Variants in NLRP13 observed in about 807,000 individuals in gnomAD.
NLRP13 encodes the protein NLR family pyrin domain containing 13, also known as NACHT, LRR and PYD domains-containing protein 13.
NLRP13 carries 82 observed loss-of-function variants against 94.4 expected under a neutral mutation model. The observed-to-expected ratio is 0.87, with a 90% confidence interval of 0.73 to 1.04. The LOEUF is 1.04. Ranked by LOEUF, NLRP13 falls within the 50% of genes least tolerant of loss-of-function variation. The pLI, the probability that NLRP13 is intolerant of heterozygous loss-of-function variation, is 0.00. For missense variants in NLRP13, 1,426 were observed against 1,230.8 expected, an observed-to-expected ratio of 1.16 and a Z score of -2.37; for synonymous variants, 553 against 464.7, an observed-to-expected ratio of 1.19 and a Z score of -2.45.
At chr19:55,918,380 T>C (rs961997506) in intron 4 of NLRP13, among the ~76,000 whole-genome samples, 7 of 141,006 alleles carry the variant, frequency 5.0e-5, no homozygotes, top group African/African-American at 1.9e-4. Flanking sequence ...AGAAGAAAAA[T>C]AACAAATCAG....
rs11310557 is a variant in NLRP13, at chr19:55,906,966, A to AT, written c.2447+825dup. The stretch of plus-strand genomic sequence containing the variant: ...TTGAGTTCCTGGGATCTGTATTATT[A>AT]TTTTTTTTTTTGAGTTAGAGTCTTG... On this transcript the variant is annotated intron_variant, in intron 7 of 10. Transcript: ENST00000342929. Among the ~76,000 whole-genome samples, 316 of 150,970 alleles carry AT rather than the reference A, an allele frequency of 2.1e-3. 1 individual carries two copies. The highest frequency in any genetic ancestry group is 3.2e-3 in the Non-Finnish European group (216 of 67,646).
intron 4 of NLRP13, among the ~76,000 whole-genome samples, chr19:55,914,023 C>G (rs2123127370): frequency 6.6e-6 from 1 of 152,336 alleles, no homozygotes; most frequent in South Asian, 2.1e-4. Context: ...ACAAGGGAAT[C>G]AGTAACTGTA....
intron 7 of NLRP13, 27 bp from the exon 8 acceptor site, chr19:55,905,139 G>T: frequency 2.5e-6 from 4 of 1,611,458 alleles, no homozygotes; most frequent in Non-Finnish European, 3.4e-6. Context: ...TGCAAGGTGA[G>T]CCTCAGCCAT....
chr19:55,903,059 GAATTAT>G (rs1986233698), intron 8 of NLRP13, among the ~76,000 whole-genome samples: 1 of 151,312 alleles, frequency 6.6e-6, no homozygotes, highest in Non-Finnish European at 1.5e-5. Context: ...ACAATGTGTA[GAATTAT>G]AACAGTTATA....
At chr19:55,907,382 G>T (rs979854264) in intron 7 of NLRP13, among the ~76,000 whole-genome samples, 1 of 152,070 alleles carries the variant, frequency 6.6e-6, no homozygotes, top group African/African-American at 2.4e-5. Context: ...GACCAGCCTG[G>T]GAAACATGGC....
At chr19:55,907,718 C>T in intron 7 of NLRP13, 74 bp downstream of exon 7, 1 of 1,400,098 alleles carries the variant, frequency 7.1e-7, no homozygotes, top group East Asian at 2.3e-5. Context: ...TGCTGTCAGC[C>T]CTCCCAGTGG....
Position 55,898,771 on chromosome 19 carries a change from C to G in NLRP13, c.2956G>C (p.Gly986Arg), listed in dbSNP as rs751171280. Reference sequence around the variant, plus strand: ...GCAAGGAGAACAGCATCAACTCACCCAAGTGTGTGCAATGCACGATGTGGT... The same window carrying G: ...GCAAGGAGAACAGCATCAACTCACCGAAGTGTGTGCAATGCACGATGTGGT... ...LKPHRALHTL[G>R]LAKCNLTTAC... The change falls in exon 10 of 11, where the codon GGG becomes CGG. Residue 986 changes from glycine to arginine, a missense_variant and splice_region_variant. By Grantham distance (125) the Gly-to-Arg change is moderately radical. Coordinates refer to ENST00000342929, the MANE Select transcript of NLRP13 (RefSeq NM_176810.2). 3 of 1,602,884 alleles carry G rather than the reference C, an allele frequency of 1.9e-6. No homozygotes were observed. Among genetic ancestry groups the G allele is most frequent in the Non-Finnish European group, 2.6e-6 (3 of 1,175,198 alleles).
At chr19:55,925,060 T>C in intron 1 of NLRP13, 25 bp from the exon 2 acceptor site, 1 of 1,607,222 alleles carries the variant, frequency 6.2e-7, no homozygotes, top group Non-Finnish European at 8.5e-7. Context: ...GATGATGACA[T>C]ATGAGAATAC....
In NLRP13 at chr19:55,924,697, A is replaced by G. The variant is rs374043921; in HGVS notation, c.389-39T>C. ...TGACGATGAGATATGAAAATACCCC[A>G]GAGTGAAAATGGGCCAGCAATAATG... is the stretch of plus-strand genomic sequence containing the variant. On this transcript the variant is annotated intron_variant, in intron 2 of 10. Transcript: ENST00000342929. The G allele has an allele frequency of 2.2e-5, 35 of 1,572,192 alleles. No individual in the cohort carries two copies. The African/African-American group carries it at 4.5e-4, about 20-fold the overall frequency.
chr19:55,902,074 T>TCA lies in NLRP13; in HGVS notation c.2748_2749dup (p.Glu917ValfsTer14). 6.2e-7 allele frequency: 1 copy of TCA among 1,614,150 alleles called. No homozygotes were observed. Among genetic ancestry groups the TCA allele is most frequent in the South Asian group, 1.1e-5 (1 of 91,080 alleles). On this transcript the variant is annotated frameshift_variant, in exon 9 of 11. Coordinates refer to ENST00000342929, the MANE Select transcript of NLRP13 (RefSeq NM_176810.2). LOFTEE classifies it high-confidence loss of function. ...GTTACCATCTGGGCGACCCAAGGCC[T>TCA]CACACAGGAACTTGACTCCCTCGTC...
chr19:55,901,665 G>A (rs1009041957), intron 9 of NLRP13, among the ~76,000 whole-genome samples: 1 of 152,182 alleles, frequency 6.6e-6, no homozygotes, highest in Non-Finnish European at 1.5e-5. Flanking sequence ...GTGATTGCAC[G>A]GGGAGAGGGC....
intron 4 of NLRP13, among the ~76,000 whole-genome samples, chr19:55,919,485 T>C (rs1271699798): frequency 6.6e-6 from 1 of 152,096 alleles, no homozygotes; most frequent in Non-Finnish European, 1.5e-5. Flanking sequence ...TCTAAAAGAC[T>C]CCTAGATTTG....
At chr19:55,919,741 C>G (rs1986767103) in intron 4 of NLRP13, among the ~76,000 whole-genome samples, 1 of 152,008 alleles carries the variant, frequency 6.6e-6, no homozygotes, top group Admixed American at 6.6e-5. Context: ...GAATAAATGT[C>G]ATTAAGATGA....
At chr19:55,927,195 CCCA>C (rs1986985292) in intron 1 of NLRP13, among the ~76,000 whole-genome samples, 2 of 151,788 alleles carry the variant, frequency 1.3e-5, no homozygotes, top group Admixed American at 6.6e-5. Context: ...GTGGGGAAAC[CCCA>C]TCTCTAATAA....
chr19:55,904,898 T>G lies in NLRP13; in HGVS notation c.2618+44A>C, dbSNP rs140972573. 1.3e-3 allele frequency: 1,976 copies of G among 1,530,688 alleles called. 22 individuals are homozygous for G. The African/African-American group carries it at 0.023, about 18-fold the overall frequency. 94.8% of individuals were successfully genotyped at this position (1,530,688 alleles called of 1,614,324 possible). A position where few individuals can be genotyped will look rare whatever the true frequency, so the allele number is the denominator to read the frequency against. On this transcript the variant is annotated intron_variant, in intron 8 of 10. Coordinates refer to ENST00000342929, the MANE Select transcript of NLRP13 (RefSeq NM_176810.2). ...AAGAAACCATTGTTCTAGATATCTG[T>G]GCCCATAGAGTCATATCTAGAAATG...
rs1568445778 is a variant in NLRP13, at chr19:55,923,898, A to T, written c.523+16T>A. On this transcript the variant is annotated intron_variant, in intron 4 of 10. Transcript: ENST00000342929. ...CAAGCAACCTGTCCATTATCAACAT[A>T]AAGTAGTATACACACCTGCTTCCTC... 2 of 1,601,976 alleles carry T rather than the reference A, an allele frequency of 1.2e-6. No homozygotes were observed. The highest frequency in any genetic ancestry group is 2.7e-5 in the African/African-American group (2 of 74,804).
Position 55,902,857 on chromosome 19 carries a change from C to T in NLRP13, c.2619-652G>A, listed in dbSNP as rs568399971. 6.0e-5 allele frequency among the ~76,000 whole-genome samples: 9 copies of T among 149,024 alleles called. No individual in the cohort carries two copies. In the South Asian group the frequency reaches 1.7e-3, roughly 28 times the overall value. On this transcript the variant is annotated intron_variant, in intron 8 of 10. Transcript: ENST00000342929. ...TATTACATACATATATTGCATAATA[C>T]ATATATCATAATGTAAATATATAAT...
At chr19:55,895,433 A>G (rs989326907), downstream of NLRP13, among the ~76,000 whole-genome samples, 2 of 152,142 alleles carry the variant, frequency 1.3e-5, no homozygotes. Context: ...CTGTAATCCC[A>G]GCACTTTGAG....
chr19:55,909,835 A>C (rs946342170), intron 6 of NLRP13, among the ~76,000 whole-genome samples: 1 of 152,076 alleles, frequency 6.6e-6, no homozygotes, highest in African/African-American at 2.4e-5. Context: ...CTTGGCTTGG[A>C]ATGCTCTTTT....
Sources: gnomAD v4.1 joint callset for allele counts (sites outside exome capture counted in the v4.1 genomes callset) on GRCh38, gnomAD v4.1.1 for gene constraint, MANE v1.5 for transcripts, NCBI Gene and HGNC (gene_info 2026-07-23, HGNC 2026-07-21) for gene names.